Variants in UBE2J2 observed in about 807,000 individuals in gnomAD.
The protein encoded by UBE2J2 is ubiquitin-conjugating enzyme E2 J2.
A neutral mutation model predicts 28.6 loss-of-function variants in UBE2J2; 5 were observed. The observed-to-expected ratio is 0.17, with a 90% CI of 0.09 to 0.37. UBE2J2 has a LOEUF of 0.37. UBE2J2 is among the 10% of genes least tolerant of loss of function. The pLI, the probability that UBE2J2 is intolerant of heterozygous loss-of-function variation, is 1.00. For missense variants in UBE2J2, 226 were observed against 338.9 expected (o/e 0.67, Z 2.62); for synonymous variants, 138 against 139.7 (o/e 0.99, Z 0.09).
intron 2 of UBE2J2, chr1:1,267,657 C>T: frequency 1.5e-6 from 2 of 1,306,598 alleles, no homozygotes; most frequent in Non-Finnish European, 2.0e-6. Flanking sequence ...TCAAGCATGG[C>T]TCTGTGATGT....
At chr1:1,259,951 T>C (rs900279701) in intron 3 of UBE2J2, among the ~76,000 whole-genome samples, 2 of 152,194 alleles carry the variant, frequency 1.3e-5, no homozygotes, top group African/African-American at 4.8e-5. Context: ...CCCGCACGTG[T>C]TTCCCTCGTG....
intron 1 of UBE2J2, among the ~76,000 whole-genome samples, chr1:1,272,619 G>A (rs1201801691): frequency 7.2e-6 from 1 of 139,788 alleles, no homozygotes; most frequent in African/African-American, 3.2e-5. Flanking sequence ...ACCTGCCTGG[G>A]TCACCTGCCT....
Position 1,255,266 on chromosome 1 carries a change from T to C in UBE2J2, c.717A>G (p.Ile239Met), listed in dbSNP as rs1639101247. 3 of 1,613,242 alleles carry C rather than the reference T, an allele frequency of 1.9e-6. No individual in the cohort carries two copies. The highest frequency in any genetic ancestry group is 2.5e-6 in the Non-Finnish European group (3 of 1,179,704). The change falls in exon 7 of 7, where the codon ATA becomes ATG. Residue 239 changes from isoleucine to methionine, a missense_variant. This residue lies in a region of UBE2J2 where 133 missense variants were observed against 161.5 expected (regional missense o/e 0.82). Coordinates refer to ENST00000349431, the MANE Select transcript of UBE2J2 (RefSeq NM_058167.3). ...TGTAAGCAAAGGCTGCAAACCCAAC[T>C]ATCACAAACAAGTTCGCCAGGGCGC... ...LGGALANLFV[I>M]VGFAAFAYTV...
chr1:1,255,429 G>A lies in UBE2J2; in HGVS notation c.554C>T (p.Pro185Leu), dbSNP rs572341613. 2 of 1,613,900 alleles carry A rather than the reference G, an allele frequency of 1.2e-6. No homozygotes were observed. Among genetic ancestry groups the A allele is most frequent in the Non-Finnish European group, 1.7e-6 (2 of 1,180,016 alleles). Residue 185 changes from proline (P) to leucine (L), a missense_variant, in exon 7 of 7, where the codon CCC becomes CTC. Coordinates refer to ENST00000349431, the MANE Select transcript of UBE2J2 (RefSeq NM_058167.3). ...CCCGTCTGGAACCACGTCTGGCAAG[G>A]GGAGAGTCTGGGGTCTGCTACTGAG... ...DELSSRPQTL[P>L]LPDVVPDGET...
intron 3 of UBE2J2, among the ~76,000 whole-genome samples, chr1:1,259,894 G>A (rs1340440857): frequency 6.6e-6 from 1 of 152,200 alleles, no homozygotes; most frequent in Non-Finnish European, 1.5e-5. Flanking sequence ...CGGCCTGGGG[G>A]TTCCAGTCTC....
At chr1:1,262,991 A>AT (rs1296192350) in intron 3 of UBE2J2, 5 of 224,722 alleles carry the variant, frequency 2.2e-5, no homozygotes, top group Non-Finnish European at 4.6e-5. Flanking sequence ...GGCACACTGA[A>AT]TAACTGAATA....
rs1640103664 is a variant in UBE2J2 at position 1,270,684 on chromosome 1, C to T, written c.1-2692G>A. 2.0e-5 allele frequency among the ~76,000 whole-genome samples: 3 copies of T among 152,156 alleles called. No homozygotes were observed. The South Asian group carries it at 6.2e-4, about 32-fold the overall frequency. On this transcript the variant is annotated intron_variant, in intron 1 of 6. Transcript: ENST00000349431. ...TTCTAGTCTCTTCCCATTTCAAGGCCCTCCTGTACCCATAAGTCAACATAC... is the reference window on the plus strand; with the variant it reads ...TTCTAGTCTCTTCCCATTTCAAGGCTCTCCTGTACCCATAAGTCAACATAC...
chr1:1,263,268 A>G (rs1209979826), intron 3 of UBE2J2, 78 bp downstream of exon 3: 2 of 1,340,210 alleles, frequency 1.5e-6, no homozygotes, highest in African/African-American at 1.5e-5. Context: ...GTTTGCAAAT[A>G]AAAGATGTTG....
In UBE2J2 at chr1:1,266,063, G is replaced by A. The variant is rs577189435; in HGVS notation, c.131+1799C>T. The A allele has an allele frequency of 1.3e-4, 175 of 1,303,724 alleles. 2 individuals are homozygous for A. In the South Asian group the frequency reaches 1.9e-3, roughly 14 times the overall value. The allele number at this position is 1,303,724 out of a possible 1,614,324, so 80.8% of individuals were successfully genotyped here. A position where few individuals can be genotyped will look rare whatever the true frequency, so the allele number is the denominator to read the frequency against. Reference sequence around the variant, plus strand: ...CAATGAAGACGTCCTCGCAACCAGCGAGGAGGCGGCTACCGTGGAACTTGT... The same window carrying A: ...CAATGAAGACGTCCTCGCAACCAGCAAGGAGGCGGCTACCGTGGAACTTGT... On this transcript the variant is annotated intron_variant, in intron 2 of 6. Coordinates refer to ENST00000349431, the MANE Select transcript of UBE2J2 (RefSeq NM_058167.3).
intron 2 of UBE2J2, 191 bp downstream of exon 2, chr1:1,267,671 C>T (rs1042323263): frequency 1.0e-5 from 14 of 1,358,966 alleles, no homozygotes; most frequent in South Asian, 1.5e-5. Flanking sequence ...GTGATGTCCC[C>T]GGCATGCGTC....
At chr1:1,261,595 CA>C (rs1002430280) in intron 3 of UBE2J2, among the ~76,000 whole-genome samples, 3 of 148,902 alleles carry the variant, frequency 2.0e-5, no homozygotes, top group Non-Finnish European at 3.0e-5. Flanking sequence ...ACAAAACAAA[CA>C]AAAAAAATGT....
intron 6 of UBE2J2, 32 bp downstream of exon 6, chr1:1,256,013 G>A: frequency 6.9e-7 from 1 of 1,451,314 alleles, no homozygotes. Flanking sequence ...TTTAACGCAG[G>A]GGAAGGCGAA....
chr1:1,255,979 T>C, intron 6 of UBE2J2, 66 bp downstream of exon 6: 1 of 1,176,474 alleles, frequency 8.5e-7, no homozygotes, highest in Non-Finnish European at 1.3e-6. Flanking sequence ...TTTTACTCTT[T>C]GGAAAGAGGT....
chr1:1,256,133 G>A lies in UBE2J2; in HGVS notation c.415-8C>T, dbSNP rs1409686663. The A allele has an allele frequency of 6.3e-7, 1 of 1,588,582 alleles. No individual in the cohort carries two copies. On this transcript the variant is annotated splice_region_variant and splice_polypyrimidine_tract_variant and intron_variant, in intron 5 of 6. Transcript: ENST00000349431. Reference sequence around the variant, plus strand: ...CACTGCCAGTTGTCTTTTCTAGGAAGGAAGGGAAGGGAATCAGCCAGAAAA... The same window carrying A: ...CACTGCCAGTTGTCTTTTCTAGGAAAGAAGGGAAGGGAATCAGCCAGAAAA...
chr1:1,263,017 T>C (rs1396203543), intron 3 of UBE2J2: 1 of 262,380 alleles, frequency 3.8e-6, no homozygotes, highest in African/African-American at 2.2e-5. Context: ...GCCTTTCCTT[T>C]GATGATATGC....
intron 3 of UBE2J2, among the ~76,000 whole-genome samples, chr1:1,258,882 A>G (rs757413417): frequency 1.3e-5 from 2 of 152,232 alleles, no homozygotes; most frequent in African/African-American, 2.4e-5. Context: ...CTGGCTGCCC[A>G]GGCTGCACCT....
intron 3 of UBE2J2, among the ~76,000 whole-genome samples, chr1:1,257,876 CT>C (rs759352915): frequency 7.2e-5 from 11 of 152,060 alleles, no homozygotes; most frequent in Non-Finnish European, 1.5e-4. Context: ...CAAATGCCCC[CT>C]GCCCTGACCT....
intron 1 of UBE2J2, among the ~76,000 whole-genome samples, chr1:1,271,789 A>C (rs913685602): frequency 6.6e-6 from 1 of 152,004 alleles, no homozygotes; most frequent in Non-Finnish European, 1.5e-5. Flanking sequence ...AGCCTGACCA[A>C]CATGGTAAAA....
chr1:1,263,831 T>TAA (rs78118405), intron 2 of UBE2J2, among the ~76,000 whole-genome samples: 2 of 147,174 alleles, frequency 1.4e-5, no homozygotes, highest in East Asian at 2.0e-4. Context: ...CACCTTTATT[T>TAA]AAAAAAAAAA....
Sources: allele counts gnomAD v4.1 joint callset (sites outside exome capture counted in the v4.1 genomes callset), GRCh38; gene constraint gnomAD v4.1.1; regional missense constraint gnomAD v4.1.1; transcripts MANE v1.5; gene names NCBI Gene and HGNC (gene_info 2026-07-23, HGNC 2026-07-21).